ASB3: variants seen among roughly 807,000 people sequenced by gnomAD.
ASB3 encodes ankyrin repeat and SOCS box containing 3, also known as ankyrin repeat and SOCS box protein 3.
A neutral mutation model predicts 54.5 loss-of-function variants in ASB3; 41 were observed. That is an observed-to-expected ratio of 0.75 (90% CI 0.59 to 0.98). ASB3 has a LOEUF of 0.98. Among genes scored for constraint, ASB3 ranks in the 50% least tolerant of loss-of-function variants. The pLI is 0.00. For synonymous variants in ASB3, 266 were observed against 221.2 expected (o/e 1.20, Z -1.80); for missense variants, 733 against 620.0 (o/e 1.18, Z -1.94).
intron 1 of ASB3, among the ~76,000 whole-genome samples, chr2:53,772,702 GTGTTTT>G (rs60966610): frequency 0.089 from 13,565 of 152,114 alleles, 649 homozygotes; most frequent in East Asian, 0.18. Flanking sequence ...GTTGTGTTTT[GTGTTTT>G]TGTTTTTAAG....
At position 53,689,103 on chromosome 2, in the gene ASB3, G is replaced by A. The variant is rs1214007730; in HGVS notation, c.1369+4781C>T. On this transcript the variant is annotated intron_variant, in intron 9 of 9. Transcript: ENST00000263634. The stretch of plus-strand genomic sequence containing the variant: ...TCCATGAAATTTTAAAGAGGGTCTA[G>A]TGCTATATTAAGAGTTAAAAAAGAT... 4.0e-5 allele frequency among the ~76,000 whole-genome samples: 6 copies of A among 151,700 alleles called. 1 individual carries two copies. In the East Asian group the frequency reaches 1.2e-3, roughly 30 times the overall value.
At chr2:53,670,788 A>G in intron 9 of ASB3, 98 bp from the exon 10 acceptor site, 2 of 1,340,382 alleles carry the variant, frequency 1.5e-6, no homozygotes, top group Non-Finnish European at 2.0e-6. Context: ...TTAGTAATAA[A>G]AGTGATATAT....
chr2:53,712,039 C>T (rs1670128746), intron 7 of ASB3, among the ~76,000 whole-genome samples: 1 of 151,878 alleles, frequency 6.6e-6, no homozygotes, highest in African/African-American at 2.4e-5. Flanking sequence ...ACATAAAAAG[C>T]AAACCAAACT....
chr2:53,760,640 T>C (rs1673089305), intron 2 of ASB3, among the ~76,000 whole-genome samples: 2 of 145,002 alleles, frequency 1.4e-5, no homozygotes, highest in Admixed American at 6.8e-5. Context: ...CAATGGAAAT[T>C]ACTTAAAACC....
At chr2:53,702,988 C>T (rs1398543038) in intron 7 of ASB3, among the ~76,000 whole-genome samples, 4 of 152,272 alleles carry the variant, frequency 2.6e-5, no homozygotes, top group South Asian at 4.1e-4. Context: ...TGTGCCCACA[C>T]GATATGGTGG....
intron 5 of ASB3, among the ~76,000 whole-genome samples, chr2:53,724,566 G>A (rs909982577): frequency 6.6e-6 from 1 of 150,434 alleles, no homozygotes; most frequent in Non-Finnish European, 1.5e-5. Context: ...GCCACTGTAC[G>A]CCATCCTGGG....
At chr2:53,761,648 C>T (rs1673154355) in intron 2 of ASB3, among the ~76,000 whole-genome samples, 1 of 152,198 alleles carries the variant, frequency 6.6e-6, no homozygotes, top group Non-Finnish European at 1.5e-5. Flanking sequence ...GTTACACCAC[C>T]AGCTTTCCTG....
chr2:53,750,552 A>G (rs1340736500), intron 3 of ASB3, among the ~76,000 whole-genome samples: 4 of 152,138 alleles, frequency 2.6e-5, no homozygotes, highest in African/African-American at 9.7e-5. Context: ...TTCGAAACAG[A>G]TTTTGCAACT....
At chr2:53,673,949 A>G (rs185166860) in intron 9 of ASB3, among the ~76,000 whole-genome samples, 2 of 152,172 alleles carry the variant, frequency 1.3e-5, no homozygotes, top group African/African-American at 4.8e-5. Flanking sequence ...AGACAATAAT[A>G]TGCCTGTCAG....
At chr2:53,746,322 A>G (rs1357156862) in intron 3 of ASB3, among the ~76,000 whole-genome samples, 2 of 152,114 alleles carry the variant, frequency 1.3e-5, no homozygotes, top group Non-Finnish European at 2.9e-5. Flanking sequence ...AAAGGTGAGC[A>G]AGGCAGAGTG....
chr2:53,680,324 T>C (rs1668301822), intron 9 of ASB3, among the ~76,000 whole-genome samples: 2 of 152,236 alleles, frequency 1.3e-5, no homozygotes, highest in Non-Finnish European at 2.9e-5. Flanking sequence ...TGCCACACTG[T>C]CTTCCCAACG....
At chr2:53,741,118 T>C (rs1187924910) in intron 3 of ASB3, among the ~76,000 whole-genome samples, 1 of 152,196 alleles carries the variant, frequency 6.6e-6, no homozygotes, top group Non-Finnish European at 1.5e-5. Flanking sequence ...GGGAGTTCCC[T>C]ATCAAAGAAA....
chr2:53,744,829 T>C (rs1476998455), intron 3 of ASB3, among the ~76,000 whole-genome samples: 1 of 152,240 alleles, frequency 6.6e-6, no homozygotes, highest in African/African-American at 2.4e-5. Context: ...AGTTAAAGCA[T>C]ATGCTATGTG....
chr2:53,682,082 T>A (rs966297486), intron 9 of ASB3, among the ~76,000 whole-genome samples: 1 of 148,948 alleles, frequency 6.7e-6, no homozygotes, highest in Non-Finnish European at 1.5e-5. Flanking sequence ...ATTGCTTGAA[T>A]CCGGGAGGCA....
intron 1 of ASB3, chr2:53,768,244 T>G: frequency 1.9e-6 from 1 of 514,382 alleles, no homozygotes; most frequent in Non-Finnish European, 3.3e-6. Flanking sequence ...GTGGTTAGTC[T>G]CTAGAGACGG....
At chr2:53,778,575 C>T (rs1444382427) in intron 1 of ASB3, among the ~76,000 whole-genome samples, 1 of 152,164 alleles carries the variant, frequency 6.6e-6, no homozygotes, top group Non-Finnish European at 1.5e-5. Flanking sequence ...AACCACTGTT[C>T]TACTCTCTGC....
intron 6 of ASB3, 109 bp downstream of exon 6, chr2:53,716,457 G>C (rs1012784613): frequency 7.4e-7 from 1 of 1,356,910 alleles, no homozygotes; most frequent in Non-Finnish European, 1.0e-6. Flanking sequence ...AGATTGGTAG[G>C]GAAGAGAATA....
intron 5 of ASB3, among the ~76,000 whole-genome samples, chr2:53,726,866 G>T (rs1671028451): frequency 6.6e-6 from 1 of 151,834 alleles, no homozygotes; most frequent in Non-Finnish European, 1.5e-5. Flanking sequence ...GCTAATTTTT[G>T]TATTTTCAGT....
chr2:53,695,297 A>T (rs1248692942), intron 8 of ASB3, among the ~76,000 whole-genome samples: 1 of 152,202 alleles, frequency 6.6e-6, no homozygotes, highest in African/African-American at 2.4e-5. Flanking sequence ...ATAAGCAAAC[A>T]TCTAAGGAAG....
Sources: gnomAD v4.1 joint callset for allele counts (sites outside exome capture counted in the v4.1 genomes callset) on GRCh38, gnomAD v4.1.1 for gene constraint, MANE v1.5 for transcripts, NCBI Gene and HGNC (gene_info 2026-07-23, HGNC 2026-07-21) for gene names.